The following AFF3 variants were observed in gnomAD, a reference collection of about 807,000 sequenced individuals.
AFF3 encodes the protein AF4/FMR2 family member 3.
Under a neutral mutation model 129.7 loss-of-function variants are expected in AFF3, and 32 were observed. That is an observed-to-expected ratio of 0.25 (90% CI 0.19 to 0.33). AFF3 has a LOEUF of 0.33. AFF3 is among the 10% of genes least tolerant of loss of function. The pLI, the probability that AFF3 is intolerant of heterozygous loss-of-function variation, is 1.00. For missense variants in AFF3, 1,373 were observed against 1,592.0 expected (o/e 0.86, Z 2.34); for synonymous variants, 644 against 635.4 (o/e 1.01, Z -0.20).
intron 8 of AFF3, among the ~76,000 whole-genome samples, chr2:99,827,512 T>A (rs1201454373): frequency 6.6e-6 from 1 of 151,756 alleles, no homozygotes; most frequent in East Asian, 1.9e-4. Flanking sequence ...TAAAAGCCAT[T>A]TCAGGAAGGA....
At chr2:99,767,569 G>A (rs1386263287) in intron 8 of AFF3, among the ~76,000 whole-genome samples, 1 of 152,140 alleles carries the variant, frequency 6.6e-6, no homozygotes, top group African/African-American at 2.4e-5. Flanking sequence ...AACATCACAC[G>A]TTGTAACCCA....
At chr2:99,560,205 G>A (rs762784384) in intron 21 of AFF3, among the ~76,000 whole-genome samples, 160 bp downstream of exon 21, 41 of 152,194 alleles carry the variant, frequency 2.7e-4, no homozygotes, top group African/African-American at 6.3e-4. Flanking sequence ...TGTATAGTAC[G>A]GCAGCAAAAA....
chr2:99,933,416 A>C (rs1446481422), intron 7 of AFF3, among the ~76,000 whole-genome samples: 2 of 151,964 alleles, frequency 1.3e-5, no homozygotes, highest in Non-Finnish European at 2.9e-5. Flanking sequence ...GGTTTGCTGC[A>C]CCCACCAACC....
At chr2:99,723,949 G>A (rs1056519725) in intron 11 of AFF3, among the ~76,000 whole-genome samples, 14 of 152,290 alleles carry the variant, frequency 9.2e-5, no homozygotes, top group Middle Eastern at 6.8e-3. Context: ...GCGAAGGAGA[G>A]AGGCCGGGGA....
intron 11 of AFF3, among the ~76,000 whole-genome samples, chr2:99,709,334 T>C (rs541713689): frequency 5.3e-5 from 8 of 152,112 alleles, no homozygotes; most frequent in Non-Finnish European, 1.0e-4. Flanking sequence ...ATATTCCTTA[T>C]CTGAAAATGG....
rs1215805870 is a variant in AFF3 at position 99,546,989 on chromosome 2, T to A, written c.*4485A>T. ...GCGCGCGTGTGTGCGTATGTGTATG[T>A]ATCAGGAAATAGCAAAGACAAATAG... is the stretch of plus-strand genomic sequence containing the variant. On this transcript the variant is annotated 3_prime_UTR_variant, in exon 25 of 25. Coordinates refer to ENST00000672756, the MANE Select transcript of AFF3 (RefSeq NM_001386135.1). The A allele has an allele frequency of 9.1e-6, 2 of 220,658 alleles. No homozygotes were observed. The highest frequency in any genetic ancestry group is 4.5e-5 in the African/African-American group (2 of 44,636). 13.7% of individuals were successfully genotyped at this position (220,658 alleles called of 1,614,324 possible).
chr2:99,874,756 G>A (rs949855169), intron 7 of AFF3, among the ~76,000 whole-genome samples: 1 of 152,042 alleles, frequency 6.6e-6, no homozygotes, highest in African/African-American at 2.4e-5. Context: ...TTATATAATA[G>A]TATTATATCG....
intron 13 of AFF3, among the ~76,000 whole-genome samples, chr2:99,641,688 C>A (rs1684206428): frequency 6.6e-6 from 1 of 151,926 alleles, no homozygotes; most frequent in Non-Finnish European, 1.5e-5. Flanking sequence ...AAAACAAAAA[C>A]AAAAAAGAAC....
At position 99,594,025 on chromosome 2, in the gene AFF3, T is replaced by G; in HGVS notation, c.1636A>C (p.Lys546Gln). 1 of 1,597,318 alleles carries G rather than the reference T, an allele frequency of 6.3e-7. No individual in the cohort carries two copies. The highest frequency in any genetic ancestry group is 8.5e-7 in the Non-Finnish European group (1 of 1,170,550). ...ACGGCCGCGGGCGGGGACTTCTGCT[T>G]CACGCCTTTACTCCCAGGGGCCTTG... ...ANKAPGSKGVKQKSPPAAVAV... is the reference protein window; with the variant it reads ...ANKAPGSKGVQQKSPPAAVAV... Residue 546 changes from lysine (K) to glutamine (Q), a missense_variant, in exon 15 of 25, where the codon AAG (lysine) becomes CAG (glutamine). This residue lies in a region of AFF3 where 413 missense variants were observed against 424.4 expected (regional missense o/e 0.97). Coordinates refer to ENST00000672756, the MANE Select transcript of AFF3 (RefSeq NM_001386135.1).
intron 4 of AFF3, among the ~76,000 whole-genome samples, chr2:100,051,277 T>G (rs1337228952): frequency 6.6e-6 from 1 of 152,014 alleles, no homozygotes; most frequent in Non-Finnish European, 1.5e-5. Context: ...AGGTAAAAAG[T>G]ATTTTGAAAG....
At chr2:99,915,003 C>T (rs978599012) in intron 7 of AFF3, among the ~76,000 whole-genome samples, 1 of 152,042 alleles carries the variant, frequency 6.6e-6, no homozygotes. Context: ...ATGTGTTATA[C>T]ATACATATAC....
At chr2:99,991,534 G>A (rs1267279055) in intron 7 of AFF3, among the ~76,000 whole-genome samples, 1 of 152,208 alleles carries the variant, frequency 6.6e-6, no homozygotes, top group African/African-American at 2.4e-5. Flanking sequence ...ATGATTTGAA[G>A]TTGGAGAATC....
intron 4 of AFF3, among the ~76,000 whole-genome samples, chr2:100,010,959 C>G (rs1682471108): frequency 6.6e-6 from 1 of 152,166 alleles, no homozygotes; most frequent in Non-Finnish European, 1.5e-5. Flanking sequence ...GCTTTTGGAA[C>G]AATATTGACA....
At chr2:100,095,988 T>C (rs1442518991) in intron 4 of AFF3, among the ~76,000 whole-genome samples, 7 of 152,042 alleles carry the variant, frequency 4.6e-5, no homozygotes, top group Non-Finnish European at 2.9e-5. Context: ...TCAGTTGTGA[T>C]TTCTCGTAGG....
chr2:99,667,923 G>A (rs1446335637), intron 12 of AFF3, among the ~76,000 whole-genome samples: 1 of 151,854 alleles, frequency 6.6e-6, no homozygotes, highest in Non-Finnish European at 1.5e-5. Flanking sequence ...TTGGGAGGCC[G>A]AGGCGGGTAG....
intron 11 of AFF3, among the ~76,000 whole-genome samples, chr2:99,693,740 A>T (rs1212759093): frequency 6.6e-6 from 1 of 152,128 alleles, no homozygotes; most frequent in Non-Finnish European, 1.5e-5. Context: ...AATCTTTTTT[A>T]AGGAATAAAA....
At chr2:99,954,469 T>C (rs544754943) in intron 7 of AFF3, among the ~76,000 whole-genome samples, 6 of 152,218 alleles carry the variant, frequency 3.9e-5, no homozygotes, top group Admixed American at 2.6e-4. Flanking sequence ...TGCACACATA[T>C]GTTTACTGCG....
chr2:99,593,689 T>C lies in AFF3; in HGVS notation c.1972A>G (p.Ile658Val), dbSNP rs538221994. ...ATGAACTCCTTGGATTTGGGGACGA[T>C]CCTGCTTAGCCCCCGCGTGCGGCGC... ...EKRRTRGLSR[I>V]VPKSKEFIET... Residue 658 changes from isoleucine (I) to valine (V), a missense_variant, in exon 15 of 25, where the codon ATC becomes GTC. Physicochemically the swap from Ile to Val is conservative, Grantham distance 29 (BLOSUM62 3). Transcript: ENST00000672756. 5 of 1,606,342 alleles carry C rather than the reference T, an allele frequency of 3.1e-6. No individual in the cohort carries two copies. The South Asian group carries it at 5.5e-5, about 18-fold the overall frequency.
intron 4 of AFF3, among the ~76,000 whole-genome samples, chr2:100,042,268 C>T (rs778024061): frequency 2.6e-5 from 4 of 152,202 alleles, no homozygotes; most frequent in Non-Finnish European, 2.9e-5. Flanking sequence ...GAGGGCCCTC[C>T]GCAGCCACCC....
Sources: allele counts gnomAD v4.1 joint callset (sites outside exome capture counted in the v4.1 genomes callset), GRCh38; gene constraint gnomAD v4.1.1; regional missense constraint gnomAD v4.1.1; transcripts MANE v1.5; gene names NCBI Gene and HGNC (gene_info 2026-07-23, HGNC 2026-07-21).